Variants in ADGRV1 observed in about 807,000 individuals in gnomAD.
ADGRV1 encodes the protein G-protein coupled receptor 98.
A neutral mutation model predicts 596.2 loss-of-function variants in ADGRV1; 359 were observed. The ratio of observed to expected loss-of-function variants is 0.60; its 90% CI spans 0.55 to 0.66. The LOEUF (loss-of-function observed/expected upper bound fraction) is 0.66, where lower values mean the gene tolerates loss of function less well. Ranked by LOEUF, ADGRV1 falls within the 30% of genes least tolerant of loss-of-function variation. The pLI is 0.00. For synonymous variants in ADGRV1, 2,681 were observed against 2,679.2 expected, an observed-to-expected ratio of 1.00 and a Z score of -0.02; for missense variants, 7,274 against 7,575.6, an observed-to-expected ratio of 0.96 and a Z score of 1.48.
At chr5:90,727,233 G>A (rs953927857) in intron 48 of ADGRV1, among the ~76,000 whole-genome samples, 4 of 152,090 alleles carry the variant, frequency 2.6e-5, no homozygotes, top group African/African-American at 4.8e-5. Flanking sequence ...GTCAACAGGC[G>A]TGTGTCACCA....
rs939188070 is a variant in ADGRV1, at chr5:90,635,268, C to T, written c.1994C>T (p.Pro665Leu). Residue 665 changes from proline to leucine, a missense_variant, in exon 10 of 90, where the codon CCA (proline) becomes CTA (leucine). Transcript: ENST00000405460. ...AATCTTCCAATTATTTTGCATGAACCAGAAGATTTTGCTGCTGAAGTGGTA... is the reference window on the plus strand; with the variant it reads ...AATCTTCCAATTATTTTGCATGAACTAGAAGATTTTGCTGCTGAAGTGGTA... Reference protein sequence around the residue: ...LSNLPIILHEPEDFAAEVVYI... With the variant: ...LSNLPIILHELEDFAAEVVYI... The T allele has an allele frequency of 3.7e-6, 6 of 1,611,588 alleles. No individual in the cohort carries two copies. The highest frequency in any genetic ancestry group is 5.1e-6 in the Non-Finnish European group (6 of 1,178,940).
At chr5:90,691,087 A>G in intron 31 of ADGRV1, 46 bp downstream of exon 31, 1 of 1,608,330 alleles carries the variant, frequency 6.2e-7, no homozygotes, top group Non-Finnish European at 8.5e-7. Context: ...ATCATACCGT[A>G]TCTATAGTGA....
At chr5:91,033,922 A>G (rs1784668710) in intron 85 of ADGRV1, among the ~76,000 whole-genome samples, 1 of 152,102 alleles carries the variant, frequency 6.6e-6, no homozygotes, top group Non-Finnish European at 1.5e-5. Flanking sequence ...AATCTTAGTG[A>G]TTTTTTATAT....
At chr5:90,934,196 T>C (rs973708439) in intron 83 of ADGRV1, among the ~76,000 whole-genome samples, 2 of 152,202 alleles carry the variant, frequency 1.3e-5, no homozygotes, top group Non-Finnish European at 2.9e-5. Flanking sequence ...TCTCTAGATC[T>C]GTTCTGGCCT....
intron 86 of ADGRV1, among the ~76,000 whole-genome samples, chr5:91,074,997 CT>C (rs1788721646): frequency 1.3e-5 from 2 of 152,098 alleles, no homozygotes; most frequent in African/African-American, 4.8e-5. Context: ...TGAAAAGTAT[CT>C]GTTCATGTAT....
intron 78 of ADGRV1, among the ~76,000 whole-genome samples, chr5:90,843,236 AG>A (rs1765585753): frequency 6.6e-6 from 1 of 152,216 alleles, no homozygotes; most frequent in Non-Finnish European, 1.5e-5. Flanking sequence ...AAAAAAGGAG[AG>A]GGACCTTGCC....
chr5:91,113,086 T>C (rs956182772), intron 87 of ADGRV1, among the ~76,000 whole-genome samples: 1 of 152,288 alleles, frequency 6.6e-6, no homozygotes, highest in Admixed American at 6.5e-5. Flanking sequence ...AGGTATTTCC[T>C]TCGTGCAGAT....
Position 90,783,320 on chromosome 5 carries a change from T to C in ADGRV1, c.13428T>C (p.Asn4476=), listed in dbSNP as rs1257550091. ...SFINISIIDD[N]ESEFEEPIEI... ...TAAATATCTCCATCATTGATGACAA[T>C]GAAAGGTTGGTATATAGAAAATAAT... The change falls in exon 66 of 90, where the codon AAT becomes AAC. Residue 4476 remains asparagine (N), a synonymous_variant. Transcript: ENST00000405460. 6.2e-7 allele frequency: 1 copy of C among 1,603,862 alleles called. No homozygotes were observed. Among genetic ancestry groups the C allele is most frequent in the Non-Finnish European group, 8.5e-7 (1 of 1,171,592 alleles).
chr5:90,926,365 G>C (rs1461797424), intron 83 of ADGRV1, among the ~76,000 whole-genome samples: 5 of 150,688 alleles, frequency 3.3e-5, no homozygotes, highest in Non-Finnish European at 5.9e-5. Flanking sequence ...TCTTGGGAGA[G>C]TGTATGTGTC....
chr5:91,057,745 T>C (rs1787016050), intron 85 of ADGRV1, among the ~76,000 whole-genome samples: 1 of 152,204 alleles, frequency 6.6e-6, no homozygotes, highest in Non-Finnish European at 1.5e-5. Context: ...AGTGACAGAA[T>C]GTTGGTTTGG....
chr5:90,706,386 A>G lies in ADGRV1; in HGVS notation c.8722A>G (p.Ile2908Val). The change falls in exon 38 of 90, where the codon ATT becomes GTT. Residue 2908 changes from isoleucine (I) to valine (V), a missense_variant. By Grantham distance (29) the Ile-to-Val change is conservative. Coordinates refer to ENST00000405460, the MANE Select transcript of ADGRV1 (RefSeq NM_032119.4). ...AACAGCAGCAGCCATCAACATTACC[A>G]TTCTTGAGGTAAAACTCTTTTTTTT... ...GETAAAINIT[I>V]LEDDVPELEE... 5 of 1,570,978 alleles carry G rather than the reference A, an allele frequency of 3.2e-6. No individual in the cohort carries two copies. Among genetic ancestry groups the G allele is most frequent in the Non-Finnish European group, 3.4e-6 (4 of 1,167,456 alleles).
intron 75 of ADGRV1, among the ~76,000 whole-genome samples, chr5:90,816,356 T>C (rs1205974591): frequency 6.6e-6 from 1 of 151,140 alleles, no homozygotes; most frequent in Non-Finnish European, 1.5e-5. Context: ...AAATATATTT[T>C]TTTAATTTTC....
chr5:90,693,979 T>C lies in ADGRV1; in HGVS notation c.7223T>C (p.Leu2408Pro). ...GCAATGGAGGAAGGTCAAGATTTACTGTCCTACTATGAATCTCCAATTCAA... is the reference window on the plus strand; with the variant it reads ...GCAATGGAGGAAGGTCAAGATTTACCGTCCTACTATGAATCTCCAATTCAA... ...ALAMEEGQDL[L>P]SYYESPIQGV... is the part of the protein sequence containing the mutation. Residue 2408 changes from leucine (L) to proline (P), a missense_variant, in exon 33 of 90, where the codon CTG (leucine) becomes CCG (proline). Transcript: ENST00000405460. 1 of 1,612,420 alleles carries C rather than the reference T, an allele frequency of 6.2e-7. No homozygotes were observed.
intron 85 of ADGRV1, among the ~76,000 whole-genome samples, chr5:90,988,888 G>C (rs1316040219): frequency 6.7e-6 from 1 of 150,210 alleles, no homozygotes; most frequent in Non-Finnish European, 1.5e-5. Context: ...AGAACATGTG[G>C]TGTTTGGTTT....
chr5:90,921,394 C>T (rs1773862626), intron 83 of ADGRV1, among the ~76,000 whole-genome samples: 2 of 152,056 alleles, frequency 1.3e-5, no homozygotes, highest in Non-Finnish European at 2.9e-5. Context: ...AGCTGCACAA[C>T]CTCTCCCTAT....
At chr5:90,873,917 C>G (rs1396191766) in intron 83 of ADGRV1, among the ~76,000 whole-genome samples, 2 of 152,056 alleles carry the variant, frequency 1.3e-5, no homozygotes, top group Non-Finnish European at 2.9e-5. Flanking sequence ...CATTATCTTG[C>G]TCACCTAAGC....
At chr5:90,754,463 G>T (rs1289762538) in intron 54 of ADGRV1, among the ~76,000 whole-genome samples, 2 of 152,098 alleles carry the variant, frequency 1.3e-5, no homozygotes, top group Non-Finnish European at 1.5e-5. Context: ...CTTTAATATG[G>T]CAAATTAAGT....
chr5:90,737,433 T>C (rs2149863859), intron 50 of ADGRV1, among the ~76,000 whole-genome samples: 1 of 152,120 alleles, frequency 6.6e-6, no homozygotes, highest in Admixed American at 6.5e-5. Context: ...TTTGTATATG[T>C]CTGTTAGGTC....
Position 90,651,718 on chromosome 5 carries a change from C to T in ADGRV1, c.3404C>T (p.Thr1135Ile), listed in dbSNP as rs757561776. 1 of 1,610,618 alleles carries T rather than the reference C, an allele frequency of 6.2e-7. No individual in the cohort carries two copies. Among genetic ancestry groups the T allele is most frequent in the East Asian group, 2.2e-5 (1 of 44,720 alleles). The change falls in exon 18 of 90, where the codon ACT (threonine) becomes ATT (isoleucine). Residue 1135 changes from threonine (T) to isoleucine (I), a missense_variant. Around this residue, in one of 5 missense-constraint regions of ADGRV1, gnomAD observed 1,715 missense variants for 1,708.8 expected, o/e 1.00. Coordinates refer to ENST00000405460, the MANE Select transcript of ADGRV1 (RefSeq NM_032119.4). The stretch of plus-strand genomic sequence containing the variant: ...GACAAAGCAGTGGAAGAAGGAAAGA[C>T]TAATGCATTTTGGTAAGCATATGTA... ...PIDKAVEEGK[T>I]NAFWILRHRG... is the part of the protein sequence containing the mutation.
Sources: allele counts gnomAD v4.1 joint callset (sites outside exome capture counted in the v4.1 genomes callset), GRCh38; gene constraint gnomAD v4.1.1; regional missense constraint gnomAD v4.1.1; transcripts MANE v1.5; gene names NCBI Gene and HGNC (gene_info 2026-07-23, HGNC 2026-07-21).